The following RBPJL variants were observed in gnomAD, a reference collection of about 807,000 sequenced individuals.
RBPJL encodes recombining binding protein suppressor of hairless-like protein.
In RBPJL, 50 loss-of-function variants were observed where a neutral mutation model predicts 57.6. That is an observed-to-expected ratio of 0.87 (90% CI 0.69 to 1.10). The LOEUF (loss-of-function observed/expected upper bound fraction) is 1.10, where lower values mean the gene tolerates loss of function less well. Among genes scored for constraint, RBPJL ranks in the 50% least tolerant of loss-of-function variants. The probability of loss-of-function intolerance (pLI) is 0.00; values close to 1 mark genes in which losing one functional copy is unlikely to be tolerated. For missense variants in RBPJL, 684 were observed against 693.7 expected, an observed-to-expected ratio of 0.99 and a Z score of 0.16; for synonymous variants, 303 against 294.4, an observed-to-expected ratio of 1.03 and a Z score of -0.30.
Position 45,313,552 on chromosome 20 carries a change from A to ATG in RBPJL, c.705_706dup (p.Gly236ValfsTer55). On this transcript the variant is annotated frameshift_variant, in exon 7 of 12. Coordinates refer to ENST00000343694, the MANE Select transcript of RBPJL (RefSeq NM_014276.4). LOFTEE classifies it high-confidence loss of function. ...TCCACACGCTACCTCTCTGTGGAGGATGGGGCCTTTGTGGCCAGTGCACGA... is the reference window on the plus strand; with the variant it reads ...TCCACACGCTACCTCTCTGTGGAGGATGTGGGGCCTTTGTGGCCAGTGCACGA... The ATG allele has an allele frequency of 1.2e-6, 2 of 1,613,902 alleles. No homozygotes were observed. Among genetic ancestry groups the ATG allele is most frequent in the Non-Finnish European group, 1.7e-6 (2 of 1,179,930 alleles).
Position 45,314,549 on chromosome 20 carries a change from A to C in RBPJL, c.1004A>C (p.Lys335Thr), listed in dbSNP as rs776253676. 1.9e-6 allele frequency: 3 copies of C among 1,613,202 alleles called. No homozygotes were observed. The highest frequency in any genetic ancestry group is 2.5e-6 in the Non-Finnish European group (3 of 1,179,416). Reference sequence around the variant, plus strand: ...ACCTACTTATGCCTTGCCACAGAGAAGGTGGTGCAATTTCAGGTAAGAAGC... The same window carrying C: ...ACCTACTTATGCCTTGCCACAGAGACGGTGGTGCAATTTCAGGTAAGAAGC... ...GGTYLCLATE[K>T]VVQFQASPCP... Residue 335 changes from lysine to threonine, a missense_variant, in exon 9 of 12, where the codon AAG becomes ACG. Lys to Thr is a moderately conservative substitution (Grantham distance 78). Coordinates refer to ENST00000343694, the MANE Select transcript of RBPJL (RefSeq NM_014276.4).
At chr20:45,309,516 C>A in intron 2 of RBPJL, 51 bp from the exon 3 acceptor site, 2 of 1,572,492 alleles carry the variant, frequency 1.3e-6, no homozygotes, top group South Asian at 1.2e-5. Context: ...CCTGTGCCAC[C>A]TTGACCCTTC....
rs936945626 is a variant in RBPJL, at chr20:45,313,612, A to T, written c.757+7A>T. ...GCCTTCACGCTCCACCTGGGTAATG[A>T]CATCTGCAGGCCCTGGAGCTGGGCA... On this transcript the variant is annotated splice_region_variant and intron_variant, in intron 7 of 11. Coordinates refer to ENST00000343694, the MANE Select transcript of RBPJL (RefSeq NM_014276.4). 1 of 1,601,808 alleles carries T rather than the reference A, an allele frequency of 6.2e-7. No homozygotes were observed.
At chr20:45,315,442 T>C (rs1987403150) in intron 9 of RBPJL, among the ~76,000 whole-genome samples, 2 of 151,684 alleles carry the variant, frequency 1.3e-5, no homozygotes, top group African/African-American at 4.8e-5. Flanking sequence ...AAAAGACCCT[T>C]AGAAATCAGC....
intron 6 of RBPJL, 41 bp from the exon 7 acceptor site, chr20:45,313,427 G>C (rs1052618538): frequency 1.3e-6 from 2 of 1,529,720 alleles, no homozygotes; most frequent in South Asian, 1.2e-5. Flanking sequence ...CCCTAACCCT[G>C]ACCCTCACCC....
Position 45,314,131 on chromosome 20 carries a change from C to T in RBPJL, c.854C>T (p.Thr285Ile). 6.2e-7 allele frequency: 1 copy of T among 1,613,610 alleles called. No homozygotes were observed. Among genetic ancestry groups the T allele is most frequent in the Non-Finnish European group, 8.5e-7 (1 of 1,179,564 alleles). Residue 285 changes from threonine to isoleucine, a missense_variant, in exon 8 of 12, where the codon ACA (threonine) becomes ATA (isoleucine). Physicochemically the swap from Thr to Ile is moderately conservative, Grantham distance 89. Coordinates refer to ENST00000343694, the MANE Select transcript of RBPJL (RefSeq NM_014276.4). ...CTCGTCTGCACGGTCACCGGCATCA[C>T]ACTACCTCCCATGGTATAGGAAGGG... is the stretch of plus-strand genomic sequence containing the variant. ...VQLVCTVTGI[T>I]LPPMIIRKVA...
Position 45,306,881 on chromosome 20 carries a change from C to A in RBPJL, c.-42C>A. The A allele has an allele frequency of 8.0e-7, 1 of 1,254,982 alleles. No individual in the cohort carries two copies. Among genetic ancestry groups the A allele is most frequent in the South Asian group, 3.9e-5 (1 of 25,802 alleles). The allele number at this position is 1,254,982 out of a possible 1,614,324, so 77.7% of individuals were successfully genotyped here. ...CAGCGACAGCAGCACTGGACTCGTC[C>A]AGAGGGCGGCGGGTGAGCGGCTGGG... On this transcript the variant is annotated 5_prime_UTR_variant, in exon 1 of 12. Transcript: ENST00000343694.
rs1452644005 is a variant in RBPJL at position 45,306,915 on chromosome 20, G to A, written c.-8G>A. On this transcript the variant is annotated 5_prime_UTR_variant, in exon 1 of 12. Transcript: ENST00000343694. The stretch of plus-strand genomic sequence containing the variant: ...GCGGGTGAGCGGCTGGGGCCCCGTG[G>A]AGCCACCATGGACCCCGCAGGGGCA... The A allele has an allele frequency of 8.0e-6, 10 of 1,256,056 alleles. No individual in the cohort carries two copies. In the East Asian group the frequency reaches 3.1e-4, roughly 39 times the overall value. The allele number at this position is 1,256,056 out of a possible 1,614,324, so 77.8% of individuals were successfully genotyped here.
In RBPJL at chr20:45,316,750, C is replaced by A. The variant is rs745450505; in HGVS notation, c.1345C>A (p.Leu449Met). Residue 449 changes from leucine (L) to methionine (M), a missense_variant, in exon 12 of 12, where the codon CTG becomes ATG. Transcript: ENST00000343694. ...VAAFCSDWRW[L>M]RAPITIPMSL... is the part of the protein sequence containing the mutation. Reference sequence around the variant, plus strand: ...GGCCTTCTGCAGCGACTGGCGCTGGCTGCGCGCTCCCATCACAATCCCCAT... The same window carrying A: ...GGCCTTCTGCAGCGACTGGCGCTGGATGCGCGCTCCCATCACAATCCCCAT... 1 of 1,613,592 alleles carries A rather than the reference C, an allele frequency of 6.2e-7. No individual in the cohort carries two copies. The highest frequency in any genetic ancestry group is 2.2e-5 in the East Asian group (1 of 44,844).
At chr20:45,313,910 A>G (rs912447945) in intron 7 of RBPJL, 125 bp from the exon 8 acceptor site, 2 of 756,304 alleles carry the variant, frequency 2.6e-6, no homozygotes, top group Non-Finnish European at 4.5e-6. Flanking sequence ...GGCTCCCCTG[A>G]GTACCAAGCT....
At chr20:45,307,001 A>ACCCCCCCCCC (rs562994913) in intron 1 of RBPJL, 57 bp downstream of exon 1, 7 of 720,960 alleles carry the variant, frequency 9.7e-6, no homozygotes, top group Admixed American at 1.4e-4. Flanking sequence ...ACGAAGGACC[A>ACCCCCCCCCC]CCCCCCCACC....
chr20:45,315,633 C>T (rs181662354), intron 9 of RBPJL, among the ~76,000 whole-genome samples: 40 of 151,192 alleles, frequency 2.6e-4, no homozygotes, highest in Admixed American at 1.6e-3. Flanking sequence ...CCCAGCTACC[C>T]GGGCGCCTGA....
Position 45,316,253 on chromosome 20 carries a change from G to T in RBPJL, c.1087G>T (p.Gly363Cys). 4 of 1,614,188 alleles carry T rather than the reference G, an allele frequency of 2.5e-6. No individual in the cohort carries two copies. The highest frequency in any genetic ancestry group is 3.4e-6 in the Non-Finnish European group (4 of 1,180,018). The change falls in exon 10 of 12, where the codon GGC (glycine) becomes TGC (cysteine). Residue 363 changes from glycine (G) to cysteine (C), a missense_variant. Gly to Cys is a radical substitution (Grantham distance 159). Transcript: ENST00000343694. Reference sequence around the variant, plus strand: ...CGACAGCTCTTGCTGGACCATCATCGGCACCGAGTCGGTGGAATTTTCCTT... The same window carrying T: ...CGACAGCTCTTGCTGGACCATCATCTGCACCGAGTCGGTGGAATTTTCCTT... ...LNDSSCWTII[G>C]TESVEFSFST...
chr20:45,316,147 A>G, intron 9 of RBPJL, 40 bp from the exon 10 acceptor site: 1 of 1,599,712 alleles, frequency 6.3e-7, no homozygotes. Flanking sequence ...GGTGGCCACC[A>G]TGAGAAGCTT....
At chr20:45,308,053 A>G in intron 1 of RBPJL, 90 bp from the exon 2 acceptor site, 1 of 825,648 alleles carries the variant, frequency 1.2e-6, no homozygotes, top group South Asian at 1.6e-5. Flanking sequence ...AGAAGTGGGG[A>G]AGGGCACTGC....
Position 45,316,506 on chromosome 20 carries a change from G to A in RBPJL, c.1206G>A (p.Leu402=). The stretch of plus-strand genomic sequence containing the variant: ...GCGGCGGGGGCGACGTGGCCACGCT[G>A]GAGCTCCACGGAGAGAACTTCCACG... ...ELSGGGDVAT[L]ELHGENFHAG... is the part of the protein sequence containing the mutation. The change falls in exon 11 of 12, where the codon CTG becomes CTA. Residue 402 remains leucine (L), a synonymous_variant. Coordinates refer to ENST00000343694, the MANE Select transcript of RBPJL (RefSeq NM_014276.4). 1 of 1,542,708 alleles carries A rather than the reference G, an allele frequency of 6.5e-7. No homozygotes were observed.
At position 45,316,887 on chromosome 20, in the gene RBPJL, C is replaced by G. The variant is rs751153181; in HGVS notation, c.1482C>G (p.Asp494Glu). The G allele has an allele frequency of 3.1e-6, 5 of 1,613,546 alleles. No individual in the cohort carries two copies. The highest frequency in any genetic ancestry group is 4.5e-5 in the East Asian group (2 of 44,880). The change falls in exon 12 of 12, where the codon GAC (aspartate) becomes GAG (glutamate). Residue 494 changes from aspartate (D) to glutamate (E), a missense_variant. Coordinates refer to ENST00000343694, the MANE Select transcript of RBPJL (RefSeq NM_014276.4). ...GHPGVPEPAT[D>E]ADALLESIHQ... ...CCGGCGTCCCCGAGCCCGCCACCGA[C>G]GCCGACGCGCTCCTGGAGAGCATCC...
Position 45,313,477 on chromosome 20 carries a change from C to A in RBPJL, c.629C>A (p.Ser210Tyr). The change falls in exon 7 of 12, where the codon TCC (serine) becomes TAC (tyrosine). Residue 210 changes from serine (S) to tyrosine (Y), a missense_variant. Transcript: ENST00000343694. Reference protein sequence around the residue: ...QSLKNTDLCISSGSKVSLFNR... With the variant: ...QSLKNTDLCIYSGSKVSLFNR... ...ACCCTCACCCTCACAGTGTGCATAT[C>A]CTCCGGCTCAAAGGTCTCCCTCTTC... 1 of 1,612,398 alleles carries A rather than the reference C, an allele frequency of 6.2e-7. No homozygotes were observed.
In RBPJL at chr20:45,314,554, G is replaced by A. The variant is rs764668435; in HGVS notation, c.1009G>A (p.Val337Met). ...TYLCLATEKV[V>M]QFQASPCPKE... ...CTTATGCCTTGCCACAGAGAAGGTG[G>A]TGCAATTTCAGGTAAGAAGCAGAGA... The change falls in exon 9 of 12, where the codon GTG becomes ATG. Residue 337 changes from valine to methionine, a missense_variant. By Grantham distance (21) the Val-to-Met change is conservative. Transcript: ENST00000343694. 1.2e-6 allele frequency: 2 copies of A among 1,613,110 alleles called. No individual in the cohort carries two copies. Among genetic ancestry groups the A allele is most frequent in the Non-Finnish European group, 1.7e-6 (2 of 1,179,260 alleles).
Sources: gnomAD v4.1 joint callset for allele counts (sites outside exome capture counted in the v4.1 genomes callset) on GRCh38, gnomAD v4.1.1 for gene constraint, MANE v1.5 for transcripts, NCBI Gene and HGNC (gene_info 2026-07-23, HGNC 2026-07-21) for gene names.